Variants in PTPRD observed in about 807,000 individuals in gnomAD.
The protein encoded by PTPRD is receptor-type tyrosine-protein phosphatase delta.
PTPRD carries 34 observed loss-of-function variants against 214.5 expected under a neutral mutation model. The ratio of observed to expected loss-of-function variants is 0.16; its 90% CI spans 0.12 to 0.21. The LOEUF is 0.21. Ranked by LOEUF, PTPRD falls within the 10% of genes least tolerant of loss-of-function variation. PTPRD has a pLI of 1.00. For missense variants in PTPRD, 2,545 were observed against 2,398.7 expected, an observed-to-expected ratio of 1.06 and a Z score of -1.27; for synonymous variants, 1,128 against 845.7, an observed-to-expected ratio of 1.33 and a Z score of -5.79.
intron 11 of PTPRD, among the ~76,000 whole-genome samples, chr9:8,751,615 G>C (rs2093541194): frequency 6.6e-6 from 1 of 152,160 alleles, no homozygotes; most frequent in South Asian, 2.1e-4. Flanking sequence ...CCTGCTGTGA[G>C]TCAATTGCTG....
chr9:8,835,508 G>A (rs912061813), intron 11 of PTPRD, among the ~76,000 whole-genome samples: 6 of 151,996 alleles, frequency 3.9e-5, no homozygotes, highest in Non-Finnish European at 8.8e-5. Context: ...ACAGCCCTTT[G>A]CCCTGACAAG....
chr9:9,569,965 G>C (rs1224451021), intron 8 of PTPRD, among the ~76,000 whole-genome samples: 6 of 151,332 alleles, frequency 4.0e-5, no homozygotes, highest in African/African-American at 1.5e-4. Context: ...CACTGAACTA[G>C]TTTTTCAGAA....
chr9:9,406,377 A>G (rs1248029792), intron 8 of PTPRD, among the ~76,000 whole-genome samples: 1 of 151,958 alleles, frequency 6.6e-6, no homozygotes, highest in African/African-American at 2.4e-5. Flanking sequence ...AAGTAAATAA[A>G]CAGAAAGAAT....
intron 2 of PTPRD, among the ~76,000 whole-genome samples, chr9:10,499,937 C>T (rs150700750): frequency 6.6e-6 from 1 of 151,688 alleles, no homozygotes; most frequent in African/African-American, 2.4e-5. Flanking sequence ...AGCAGAGATT[C>T]CTGGAGGATG....
chr9:9,345,553 C>T (rs1005026352), intron 9 of PTPRD, among the ~76,000 whole-genome samples: 2 of 151,978 alleles, frequency 1.3e-5, no homozygotes, highest in Non-Finnish European at 2.9e-5. Context: ...TTTTAAAGTG[C>T]TTTCTTAGAA....
intron 9 of PTPRD, among the ~76,000 whole-genome samples, chr9:9,239,798 C>G (rs1298811101): frequency 1.3e-5 from 2 of 152,128 alleles, no homozygotes; most frequent in Non-Finnish European, 1.5e-5. Flanking sequence ...CAGGCATTAT[C>G]TTCACAGCTG....
chr9:8,916,550 A>T (rs1473707517), intron 11 of PTPRD, among the ~76,000 whole-genome samples: 1 of 152,162 alleles, frequency 6.6e-6, no homozygotes, highest in Non-Finnish European at 1.5e-5. Context: ...GGCCTTTTAG[A>T]AAAGTTTGAC....
intron 2 of PTPRD, among the ~76,000 whole-genome samples, chr9:10,347,599 C>T (rs938726123): frequency 2.4e-4 from 36 of 151,540 alleles, no homozygotes; most frequent in African/African-American, 6.5e-4. Flanking sequence ...TTAGTAGAGA[C>T]GGGGTTTCTC....
intron 11 of PTPRD, among the ~76,000 whole-genome samples, chr9:8,737,485 G>GGAAATATTATAA (rs1179562145): frequency 6.6e-6 from 1 of 151,544 alleles, no homozygotes; most frequent in Non-Finnish European, 1.5e-5. Flanking sequence ...ATTATAAGGA[G>GGAAATATTATAA]TTTCCATTAA....
chr9:8,619,917 C>T (rs2095758066), intron 14 of PTPRD, among the ~76,000 whole-genome samples: 1 of 152,012 alleles, frequency 6.6e-6, no homozygotes, highest in Admixed American at 6.6e-5. Flanking sequence ...ACTTTAGAGT[C>T]AGAAAATCTG....
At chr9:8,720,918 C>T (rs2098487003) in intron 12 of PTPRD, among the ~76,000 whole-genome samples, 1 of 152,114 alleles carries the variant, frequency 6.6e-6, no homozygotes, top group Non-Finnish European at 1.5e-5. Flanking sequence ...GCTCTCTTGC[C>T]TGCTCTTTTC....
chr9:9,132,517 T>A (rs1425522956), intron 10 of PTPRD, among the ~76,000 whole-genome samples: 1 of 152,184 alleles, frequency 6.6e-6, no homozygotes, highest in Admixed American at 6.5e-5. Flanking sequence ...AAATTCAAGC[T>A]TTTAGACAAT....
intron 33 of PTPRD, chr9:8,454,637 T>A (rs1443500129): frequency 1.2e-6 from 2 of 1,606,898 alleles, no homozygotes; most frequent in African/African-American, 2.7e-5. Flanking sequence ...AAAGGCTAAA[T>A]GTTAGTTGGC....
intron 35 of PTPRD, among the ~76,000 whole-genome samples, chr9:8,424,110 G>C (rs1453478126): frequency 6.6e-6 from 1 of 152,090 alleles, no homozygotes; most frequent in Non-Finnish European, 1.5e-5. Context: ...AAGTCGTTTT[G>C]TTGTTGTTGA....
intron 34 of PTPRD, among the ~76,000 whole-genome samples, chr9:8,444,516 T>G (rs964842129): frequency 6.6e-6 from 1 of 152,086 alleles, no homozygotes; most frequent in African/African-American, 2.4e-5. Context: ...AATATTTTAA[T>G]TTTAATTTTA....
intron 2 of PTPRD, among the ~76,000 whole-genome samples, chr9:10,611,894 T>G (rs2081074311): frequency 7.2e-6 from 1 of 138,424 alleles, no homozygotes; most frequent in African/African-American, 2.7e-5. Context: ...CTTATTAACT[T>G]TCCCTTTTCC....
chr9:10,222,010 A>C (rs552379582), intron 3 of PTPRD, among the ~76,000 whole-genome samples: 1 of 151,124 alleles, frequency 6.6e-6, no homozygotes, highest in South Asian at 2.1e-4. Context: ...CAGAAATAGA[A>C]AACTGTGAGA....
At chr9:9,872,364 C>T (rs941195736) in intron 5 of PTPRD, among the ~76,000 whole-genome samples, 1 of 152,072 alleles carries the variant, frequency 6.6e-6, no homozygotes, top group South Asian at 2.1e-4. Flanking sequence ...CTTTGGGAGG[C>T]CGAGGCAGGA....
rs184441350 is a variant in PTPRD, at chr9:8,931,072, T to C, written c.-104+87625A>G. Among the ~76,000 whole-genome samples, 30 of 152,302 alleles carry C rather than the reference T, an allele frequency of 2.0e-4. No individual in the cohort carries two copies. In the East Asian group the frequency reaches 5.4e-3, roughly 27 times the overall value. ...CCTGAATGGTATTGCCTAGGTTTTC[T>C]TCTACGGTTTTTATGGGTTTAGGTC... On this transcript the variant is annotated intron_variant, in intron 11 of 45. Coordinates refer to ENST00000381196, the MANE Select transcript of PTPRD (RefSeq NM_002839.4).
Sources: allele counts gnomAD v4.1 joint callset (sites outside exome capture counted in the v4.1 genomes callset), GRCh38; gene constraint gnomAD v4.1.1; transcripts MANE v1.5; gene names NCBI Gene and HGNC (gene_info 2026-07-23, HGNC 2026-07-21).